KCNJ6: variants seen among roughly 807,000 people sequenced by gnomAD.
KCNJ6 encodes potassium inwardly rectifying channel subfamily J member 6.
KCNJ6 carries 9 observed loss-of-function variants against 34.2 expected under a neutral mutation model. That is an observed-to-expected ratio of 0.26 (90% CI 0.16 to 0.46). KCNJ6 has a LOEUF of 0.46. Among genes scored for constraint, KCNJ6 ranks in the 20% least tolerant of loss-of-function variants. The pLI is 1.00. For synonymous variants in KCNJ6, 196 were observed against 207.1 expected (o/e 0.95, Z 0.46); for missense variants, 236 against 531.3 (o/e 0.44, Z 5.46).
chr21:37,653,417 G>A (rs1199858050), intron 3 of KCNJ6, among the ~76,000 whole-genome samples: 1 of 152,176 alleles, frequency 6.6e-6, no homozygotes, highest in African/African-American at 2.4e-5. Context: ...AAGGGGTGCT[G>A]GCCAGGCTGC....
At chr21:37,883,429 T>C (rs1177922192) in intron 1 of KCNJ6, among the ~76,000 whole-genome samples, 1 of 152,162 alleles carries the variant, frequency 6.6e-6, no homozygotes, top group African/African-American at 2.4e-5. Flanking sequence ...CCAGCAGGAT[T>C]GAGCCCCTGC....
intron 2 of KCNJ6, among the ~76,000 whole-genome samples, chr21:37,750,585 G>C (rs930182556): frequency 1.3e-5 from 2 of 152,162 alleles, no homozygotes; most frequent in Non-Finnish European, 2.9e-5. Context: ...GCAGGGACAT[G>C]GATGAAGTTG....
At chr21:37,746,930 T>C (rs2054970327) in intron 2 of KCNJ6, among the ~76,000 whole-genome samples, 1 of 152,258 alleles carries the variant, frequency 6.6e-6, no homozygotes, top group Admixed American at 6.5e-5. Context: ...CTCCAGCTAC[T>C]AGAATTGATG....
intron 3 of KCNJ6, among the ~76,000 whole-genome samples, chr21:37,650,826 C>T (rs76169764): frequency 0.016 from 2,426 of 152,326 alleles, 40 homozygotes; most frequent in East Asian, 0.069. Context: ...CTTTGTACAT[C>T]CACCCTCATC....
intron 1 of KCNJ6, among the ~76,000 whole-genome samples, chr21:37,842,447 A>G (rs1044570130): frequency 6.6e-6 from 1 of 152,236 alleles, no homozygotes; most frequent in Admixed American, 6.5e-5. Flanking sequence ...ATTGAATGGC[A>G]ACAAACAACT....
intron 3 of KCNJ6, among the ~76,000 whole-genome samples, chr21:37,674,696 A>G (rs1302723224): frequency 1.3e-5 from 2 of 150,998 alleles, no homozygotes; most frequent in African/African-American, 4.9e-5. Context: ...TGACTCCCCT[A>G]TACCTCACGT....
chr21:37,853,846 G>GTATGTATATATATATATA (rs1555850323), intron 1 of KCNJ6, among the ~76,000 whole-genome samples: 21 of 115,954 alleles, frequency 1.8e-4, no homozygotes, highest in African/African-American at 8.0e-4. Context: ...ATATATATAT[G>GTATGTATATATATATATA]TATATATATA....
chr21:37,847,271 G>A (rs921966905), intron 1 of KCNJ6, among the ~76,000 whole-genome samples: 2 of 152,184 alleles, frequency 1.3e-5, no homozygotes, highest in Admixed American at 6.5e-5. Flanking sequence ...CTGTGAAATG[G>A]TACTGTCTTC....
intron 2 of KCNJ6, among the ~76,000 whole-genome samples, chr21:37,821,259 C>A (rs2055371756): frequency 6.6e-6 from 1 of 152,192 alleles, no homozygotes; most frequent in Non-Finnish European, 1.5e-5. Context: ...GTAAACGTTA[C>A]CTACATTGTT....
chr21:37,810,602 C>A (rs1443482533), intron 2 of KCNJ6, among the ~76,000 whole-genome samples: 1 of 152,194 alleles, frequency 6.6e-6, no homozygotes, highest in East Asian at 1.9e-4. Context: ...GAGCTTATAG[C>A]AGTGATTTCA....
chr21:37,782,909 G>C (rs964410886), intron 2 of KCNJ6, among the ~76,000 whole-genome samples: 1 of 152,082 alleles, frequency 6.6e-6, no homozygotes, highest in Non-Finnish European at 1.5e-5. Context: ...TAAATTACAT[G>C]GTTGCCCCAT....
At chr21:37,718,731 G>A (rs1375105977) in intron 2 of KCNJ6, among the ~76,000 whole-genome samples, 2 of 151,906 alleles carry the variant, frequency 1.3e-5, no homozygotes, top group African/African-American at 4.8e-5. Context: ...CAAGTTGATG[G>A]GTGCAGCACA....
intron 2 of KCNJ6, among the ~76,000 whole-genome samples, chr21:37,758,575 C>T (rs1041162702): frequency 1.3e-5 from 2 of 152,220 alleles, no homozygotes; most frequent in African/African-American, 4.8e-5. Context: ...CTCTTATGAG[C>T]CAGAGGAACT....
chr21:37,906,186 T>C (rs2055840558), intron 1 of KCNJ6, among the ~76,000 whole-genome samples: 1 of 152,238 alleles, frequency 6.6e-6, no homozygotes, highest in Admixed American at 6.5e-5. Context: ...TGCTTTGTGC[T>C]CATAATCTTT....
chr21:37,699,032 C>T lies in KCNJ6; in HGVS notation c.946+15179G>A, dbSNP rs146136622. 6.0e-4 allele frequency among the ~76,000 whole-genome samples: 91 copies of T among 152,132 alleles called. No homozygotes were observed. In the East Asian group the frequency reaches 0.012, roughly 20 times the overall value. On this transcript the variant is annotated intron_variant, in intron 3 of 3. Transcript: ENST00000609713. ...CATTTTAAAATGGTTAAAAAAAAAT[C>T]CAAAGTGAAGAATAATACTTTATGA...
At position 37,791,180 on chromosome 21, in the gene KCNJ6, G is replaced by A. The variant is rs188131748; in HGVS notation, c.25+49478C>T. Among the ~76,000 whole-genome samples the A allele has an allele frequency of 2.6e-3, 391 of 152,300 alleles. 2 individuals carry two copies. Among genetic ancestry groups the A allele is most frequent in the African/African-American group, 9.1e-3 (378 of 41,564 alleles). ...TGGGAGGACCTGCGTCCTTGAATAC[G>A]TCTCCAGCTCCTTCTCTCTCCTCTG... is the stretch of plus-strand genomic sequence containing the variant. On this transcript the variant is annotated intron_variant, in intron 2 of 3. Coordinates refer to ENST00000609713, the MANE Select transcript of KCNJ6 (RefSeq NM_002240.5).
At position 37,614,255 on chromosome 21, in the gene KCNJ6, AAAT is replaced by A. The variant is rs2054253013; in HGVS notation, c.*10901_*10903del. ...CAGGGAAGTGTATGGTACATTTTTA[AAAT>A]AATGCCACAGTGCATGCAGGGGAGG... On this transcript the variant is annotated 3_prime_UTR_variant, in exon 4 of 4. Transcript: ENST00000609713. The A allele has an allele frequency of 6.6e-6, 1 of 152,162 alleles. No homozygotes were observed. Among genetic ancestry groups the A allele is most frequent in the African/African-American group, 2.4e-5 (1 of 41,448 alleles). 9.4% of individuals were successfully genotyped at this position (152,162 alleles called of 1,614,324 possible).
chr21:37,886,487 T>C lies in KCNJ6; in HGVS notation c.-28+29397A>G, dbSNP rs142086593. On this transcript the variant is annotated intron_variant, in intron 1 of 3. Transcript: ENST00000609713. ...GGGTCTTTCCAAGCTCCTTAAAGAA[T>C]CTCATGTAATTAGAGCTAACCTGTC... is the stretch of plus-strand genomic sequence containing the variant. 4.3e-4 allele frequency among the ~76,000 whole-genome samples: 66 copies of C among 152,314 alleles called. 1 individual carries two copies. Among genetic ancestry groups the C allele is most frequent in the African/African-American group, 1.2e-3 (51 of 41,558 alleles).
At chr21:37,778,645 C>A (rs1353736439) in intron 2 of KCNJ6, among the ~76,000 whole-genome samples, 1 of 151,942 alleles carries the variant, frequency 6.6e-6, no homozygotes, top group Admixed American at 6.6e-5. Flanking sequence ...CTTTCAGGTC[C>A]CTGGACTCTG....
Sources: gnomAD v4.1 joint callset for allele counts (sites outside exome capture counted in the v4.1 genomes callset) on GRCh38, gnomAD v4.1.1 for gene constraint, MANE v1.5 for transcripts, NCBI Gene and HGNC (gene_info 2026-07-23, HGNC 2026-07-21) for gene names.